HECW1: variants seen among roughly 807,000 people sequenced by gnomAD.
HECW1 encodes the protein HECT, C2 and WW domain containing E3 ubiquitin protein ligase 1, also known as E3 ubiquitin-protein ligase HECW1.
HECW1 carries 61 observed loss-of-function variants against 182.3 expected under a neutral mutation model. That is an observed-to-expected ratio of 0.33 (90% CI 0.27 to 0.41). HECW1 has a LOEUF of 0.41. Ranked by LOEUF, HECW1 falls within the 10% of genes least tolerant of loss-of-function variation. The pLI, the probability that HECW1 is intolerant of heterozygous loss-of-function variation, is 1.00. For missense variants in HECW1, 1,739 were observed against 2,108.9 expected, an observed-to-expected ratio of 0.82 and a Z score of 3.44; for synonymous variants, 859 against 832.6, an observed-to-expected ratio of 1.03 and a Z score of -0.55.
chr7:43,252,584 G>T (rs1800151681), intron 3 of HECW1, among the ~76,000 whole-genome samples: 1 of 152,216 alleles, frequency 6.6e-6, no homozygotes, highest in Admixed American at 6.5e-5. Context: ...TGGGCCCATT[G>T]ATCCCAGCCT....
chr7:43,282,717 T>G (rs1431302172), intron 3 of HECW1, among the ~76,000 whole-genome samples: 2 of 152,184 alleles, frequency 1.3e-5, no homozygotes, highest in African/African-American at 4.8e-5. Flanking sequence ...TTAAATATTA[T>G]TATAAGACCA....
chr7:43,388,040 G>T (rs2074869962), intron 6 of HECW1, among the ~76,000 whole-genome samples: 1 of 152,166 alleles, frequency 6.6e-6, no homozygotes, highest in South Asian at 2.1e-4. Context: ...ATCTCCATTT[G>T]ATGCAAAAGA....
At chr7:43,512,062 T>TC (rs1563075028) in intron 24 of HECW1, 1 of 218,478 alleles carries the variant, frequency 4.6e-6, no homozygotes, top group East Asian at 6.7e-5. Flanking sequence ...GCTGCTGATC[T>TC]CGGGTCGGTG....
intron 24 of HECW1, among the ~76,000 whole-genome samples, chr7:43,539,225 T>C (rs1166498556): frequency 6.6e-6 from 1 of 152,234 alleles, no homozygotes; most frequent in Non-Finnish European, 1.5e-5. Flanking sequence ...GTTTTCTTTC[T>C]TGTTGTATCT....
intron 26 of HECW1, among the ~76,000 whole-genome samples, chr7:43,549,880 T>G (rs1312102989): frequency 6.6e-6 from 1 of 152,198 alleles, no homozygotes; most frequent in African/African-American, 2.4e-5. Flanking sequence ...GACATTCAGC[T>G]TCACCATTAG....
intron 8 of HECW1, among the ~76,000 whole-genome samples, chr7:43,412,247 C>T (rs1418149629): frequency 6.6e-6 from 1 of 152,054 alleles, no homozygotes; most frequent in African/African-American, 2.4e-5. Flanking sequence ...TTTATCCACA[C>T]TCGTGATCTT....
intron 3 of HECW1, among the ~76,000 whole-genome samples, chr7:43,298,918 T>TA (rs1171566147): frequency 1.3e-5 from 2 of 152,108 alleles, no homozygotes; most frequent in Admixed American, 6.6e-5. Context: ...GCATACAAGG[T>TA]AAAAAATGGA....
rs189632622 is a variant in HECW1 at position 43,232,409 on chromosome 7, T to G, written c.-31-11466T>G. On this transcript the variant is annotated intron_variant, in intron 2 of 29. Transcript: ENST00000395891. ...AAGAAGAGTAGAAATGGAGGCTGGC[T>G]GTGCAACTGCATTAGCTTGCTTTTG... Among the ~76,000 whole-genome samples the G allele has an allele frequency of 2.0e-3, 305 of 152,326 alleles. 1 individual carries two copies. Among genetic ancestry groups the G allele is most frequent in the Admixed American group, 4.4e-3 (68 of 15,306 alleles).
intron 29 of HECW1, among the ~76,000 whole-genome samples, chr7:43,560,947 C>G (rs967202703): frequency 1.3e-5 from 2 of 152,208 alleles, no homozygotes; most frequent in Non-Finnish European, 2.9e-5. Context: ...ACCCATCCAC[C>G]TTTCTCTCTA....
At chr7:43,173,697 C>A (rs888196204) in intron 2 of HECW1, among the ~76,000 whole-genome samples, 22 of 152,210 alleles carry the variant, frequency 1.4e-4, no homozygotes, top group African/African-American at 4.8e-4. Flanking sequence ...TGCTTTCTCA[C>A]CTGCAGCTCA....
At chr7:43,512,091 T>G (rs1254291805) in intron 24 of HECW1, 2 of 221,700 alleles carry the variant, frequency 9.0e-6, no homozygotes, top group Non-Finnish European at 1.8e-5. Context: ...TCCTTCCACC[T>G]TCTGAGGGAG....
At chr7:43,360,210 ACTTT>A (rs1187861959) in intron 5 of HECW1, among the ~76,000 whole-genome samples, 5 of 142,870 alleles carry the variant, frequency 3.5e-5, no homozygotes, top group Non-Finnish European at 7.5e-5. Context: ...CATTTATAGA[ACTTT>A]CTTTTTTTTT....
At chr7:43,401,813 G>C (rs1476368558) in intron 7 of HECW1, among the ~76,000 whole-genome samples, 5 of 151,802 alleles carry the variant, frequency 3.3e-5, no homozygotes, top group Non-Finnish European at 7.4e-5. Flanking sequence ...AATGGGAACA[G>C]GCGTTCCTGT....
intron 6 of HECW1, among the ~76,000 whole-genome samples, chr7:43,381,840 T>G (rs1056196794): frequency 6.6e-6 from 1 of 151,994 alleles, no homozygotes. Context: ...TTTTTAAAAA[T>G]TTTTTTAGAA....
intron 6 of HECW1, among the ~76,000 whole-genome samples, chr7:43,386,683 G>A (rs954267705): frequency 6.6e-6 from 1 of 152,088 alleles, no homozygotes. Context: ...AGCTTCAGCT[G>A]TGTCACCTAT....
chr7:43,386,853 G>A (rs978997515), intron 6 of HECW1, among the ~76,000 whole-genome samples: 6 of 151,468 alleles, frequency 4.0e-5, no homozygotes, highest in Non-Finnish European at 8.8e-5. Context: ...TTTCACATAA[G>A]GACAGGTTTT....
chr7:43,485,569 A>G (rs992012111), intron 17 of HECW1, among the ~76,000 whole-genome samples: 8 of 152,216 alleles, frequency 5.3e-5, no homozygotes, highest in Admixed American at 1.3e-4. Context: ...CGGTATGGCT[A>G]TGGCTCCCAG....
intron 24 of HECW1, among the ~76,000 whole-genome samples, chr7:43,535,238 C>T (rs2081134382): frequency 6.6e-6 from 1 of 152,156 alleles, no homozygotes; most frequent in East Asian, 1.9e-4. Context: ...GCCTTTAAGC[C>T]ACTTGGGAAG....
intron 8 of HECW1, among the ~76,000 whole-genome samples, chr7:43,412,610 C>A (rs141627229): frequency 6.5e-5 from 8 of 122,348 alleles, no homozygotes; most frequent in African/African-American, 2.1e-4. Flanking sequence ...CCCCTCCCCC[C>A]ACCCCACCAC....
Sources: allele counts gnomAD v4.1 joint callset (sites outside exome capture counted in the v4.1 genomes callset), GRCh38; gene constraint gnomAD v4.1.1; transcripts MANE v1.5; gene names NCBI Gene and HGNC (gene_info 2026-07-23, HGNC 2026-07-21).